KIR2DL1: variants seen among roughly 807,000 people sequenced by gnomAD.
KIR2DL1 encodes the protein killer cell immunoglobulin-like receptor 2DL1.
KIR2DL1 carries 38 observed loss-of-function variants against 33.9 expected under a neutral mutation model. The ratio of observed to expected loss-of-function variants is 1.12; its 90% CI spans 0.86 to 1.47. The LOEUF (loss-of-function observed/expected upper bound fraction) is 1.47, where lower values mean the gene tolerates loss of function less well. KIR2DL1 is among the 40% of genes most tolerant of loss of function. KIR2DL1 has a pLI of 0.00. For missense variants in KIR2DL1, 531 were observed against 433.9 expected, an observed-to-expected ratio of 1.22 and a Z score of -1.99; for synonymous variants, 179 against 165.9, an observed-to-expected ratio of 1.08 and a Z score of -0.61.
chr19:54,778,529 G>T, intron 4 of KIR2DL1, 83 bp from the exon 5 acceptor site: 1 of 1,334,824 alleles, frequency 7.5e-7, no homozygotes, highest in East Asian at 2.3e-5. Context: ...GAGAGTGTTG[G>T]CCATGAACCA....
chr19:54,775,410 C>T lies in KIR2DL1; in HGVS notation c.616C>T (p.Pro206Ser). ...YRCFGSFHDS[P>S]YEWSKSSDPL... is the part of the protein sequence containing the mutation. ...ATGCTTCGGCTCTTTCCATGACTCT[C>T]CATACGAGTGGTCAAAGTCAAGTGA... Residue 206 changes from proline (P) to serine (S), a missense_variant, in exon 4 of 8, where the codon CCA becomes TCA. Transcript: ENST00000336077. 1.3e-6 allele frequency: 2 copies of T among 1,584,300 alleles called. No homozygotes were observed. Among genetic ancestry groups the T allele is most frequent in the Non-Finnish European group, 1.7e-6 (2 of 1,156,444 alleles).
chr19:54,771,155 TACTC>T lies in KIR2DL1; in HGVS notation c.70+274_70+277del, dbSNP rs2075672463. Among the ~76,000 whole-genome samples the T allele has an allele frequency of 1.3e-5, 2 of 148,290 alleles. 1 individual carries two copies. On this transcript the variant is annotated intron_variant, in intron 2 of 7. Transcript: ENST00000336077. ...GCAGATCCTCTGAGGACAAAGGTGT[TACTC>T]ACACACTTCAGCGTTTCCATGACGG...
rs144426670 is a variant in KIR2DL1 at position 54,773,463 on chromosome 19, C to T, written c.201C>T (p.Asn67=). Residue 67 remains asparagine (N), a synonymous_variant, in exon 3 of 8, where the codon AAC becomes AAT. Transcript: ENST00000336077. ...HFLLHREGMF[N]DTLRLIGEHH... The stretch of plus-strand genomic sequence containing the variant: ...TTCTGCACAGAGAGGGGATGTTTAA[C>T]GACACTTTGCGCCTCATTGGAGAAC... 1.9e-5 allele frequency: 30 copies of T among 1,540,612 alleles called. 2 individuals carry two copies. The highest frequency in any genetic ancestry group is 1.7e-4 in the Middle Eastern group (1 of 5,854).
chr19:54,779,074 C>T (rs893301340), intron 5 of KIR2DL1, among the ~76,000 whole-genome samples: 6 of 147,178 alleles, frequency 4.1e-5, no homozygotes, highest in East Asian at 1.9e-4. Flanking sequence ...ATGAAGCAAC[C>T]CTGGCTGACT....
In KIR2DL1 at chr19:54,783,631, C is replaced by T. The variant is rs2077317950; in HGVS notation, c.871-6C>T. 3 of 1,614,016 alleles carry T rather than the reference C, an allele frequency of 1.9e-6. No homozygotes were observed. Among genetic ancestry groups the T allele is most frequent in the Non-Finnish European group, 2.5e-6 (3 of 1,179,970 alleles). On this transcript the variant is annotated splice_region_variant and splice_polypyrimidine_tract_variant and intron_variant, in intron 7 of 7. Coordinates refer to ENST00000336077, the MANE Select transcript of KIR2DL1 (RefSeq NM_014218.3). Reference sequence around the variant, plus strand: ...CCTCCCTCACTCAGCATTTCCCTCTCTCCAGGACTCTGATGAACAAGACCC... The same window carrying T: ...CCTCCCTCACTCAGCATTTCCCTCTTTCCAGGACTCTGATGAACAAGACCC...
intron 3 of KIR2DL1, 122 bp downstream of exon 3, chr19:54,773,754 T>C (rs2076034248): frequency 1.8e-6 from 2 of 1,107,824 alleles, no homozygotes; most frequent in Non-Finnish European, 2.6e-6. Context: ...GAGACTGACT[T>C]GGTGAGGTCT....
rs1454000041 is a variant in KIR2DL1 at position 54,780,300 on chromosome 19, C to T, written c.715+1638C>T. The stretch of plus-strand genomic sequence containing the variant: ...ATATTTGTGACATTAATGAAAAACA[C>T]GGAATGAACCCCTGAAAGATTGGCG... On this transcript the variant is annotated intron_variant, in intron 5 of 7. Transcript: ENST00000336077. 8.9e-6 allele frequency: 4 copies of T among 450,476 alleles called. 1 individual carries two copies. The highest frequency in any genetic ancestry group is 3.8e-5 in the Admixed American group (1 of 26,316). 27.9% of individuals were successfully genotyped at this position (450,476 alleles called of 1,614,324 possible).
chr19:54,776,804 C>T (rs1192433824), intron 4 of KIR2DL1, among the ~76,000 whole-genome samples: 2 of 146,690 alleles, frequency 1.4e-5, no homozygotes, highest in African/African-American at 2.5e-5. Flanking sequence ...CCATGCCTGG[C>T]TACTTTTTGG....
intron 4 of KIR2DL1, among the ~76,000 whole-genome samples, chr19:54,776,026 G>C (rs2076291095): frequency 6.8e-6 from 1 of 146,158 alleles, no homozygotes; most frequent in African/African-American, 2.5e-5. Context: ...TGAGTAGCTA[G>C]TGCTACAGGC....
At position 54,770,908 on chromosome 19, in the gene KIR2DL1, G is replaced by A. The variant is rs1293448165; in HGVS notation, c.70+24G>A. On this transcript the variant is annotated intron_variant, in intron 2 of 7. Transcript: ENST00000336077. ...GGGTGAGTCCTTCTCCCAACCTTCG[G>A]GTGTCATCTCCCCACATAAGAGGAT... is the stretch of plus-strand genomic sequence containing the variant. 214 of 1,580,106 alleles carry A rather than the reference G, an allele frequency of 1.4e-4. 23 individuals carry two copies. The Middle Eastern group carries it at 1.4e-3, about 10-fold the overall frequency.
At chr19:54,772,593 G>A (rs1370563613) in intron 2 of KIR2DL1, among the ~76,000 whole-genome samples, 4 of 146,072 alleles carry the variant, frequency 2.7e-5, no homozygotes, top group Admixed American at 1.4e-4. Flanking sequence ...TAATCCTAGC[G>A]ACTTGGGAGG....
rs1351481532 is a variant in KIR2DL1, at chr19:54,774,282, CA to C, written c.370+651del. Among the ~76,000 whole-genome samples the C allele has an allele frequency of 1.0e-4, 15 of 148,030 alleles. 2 individuals carry two copies. The highest frequency in any genetic ancestry group is 1.4e-4 in the Admixed American group (2 of 14,602). ...ACCAAAAAGCAAAGACATAAACACA[CA>C]GAGAATGAGCCAGAGGAAGGAGATT... On this transcript the variant is annotated intron_variant, in intron 3 of 7. Transcript: ENST00000336077.
intron 3 of KIR2DL1, 42 bp downstream of exon 3, chr19:54,773,674 A>C: frequency 6.5e-7 from 1 of 1,526,764 alleles, no homozygotes; most frequent in Non-Finnish European, 9.0e-7. Flanking sequence ...ATTGGGATGC[A>C]GAGTGAATGA....
At chr19:54,781,462 C>T (rs532387675) in intron 5 of KIR2DL1, among the ~76,000 whole-genome samples, 9 of 150,774 alleles carry the variant, frequency 6.0e-5, no homozygotes, top group Admixed American at 2.7e-4. Flanking sequence ...AATCCCCCAC[C>T]TCACCCCTAC....
rs1200834629 is a variant in KIR2DL1 at position 54,784,174 on chromosome 19, A to G, written c.*361A>G. 2.3e-5 allele frequency: 10 copies of G among 442,484 alleles called. No individual in the cohort carries two copies. Among genetic ancestry groups the G allele is most frequent in the African/African-American group, 2.0e-4 (10 of 50,656 alleles). The allele number at this position is 442,484 out of a possible 1,614,324, so 27.4% of individuals were successfully genotyped here. A position where few individuals can be genotyped will look rare whatever the true frequency, so the allele number is the denominator to read the frequency against. Reference sequence around the variant, plus strand: ...ACAAGAGGCTCCCTCTTAACGCAGCACTTAGACACGTGTTGTTCCACCTTC... The same window carrying G: ...ACAAGAGGCTCCCTCTTAACGCAGCGCTTAGACACGTGTTGTTCCACCTTC... On this transcript the variant is annotated 3_prime_UTR_variant, in exon 8 of 8. Transcript: ENST00000336077.
chr19:54,778,336 G>T (rs1432800604), intron 4 of KIR2DL1, among the ~76,000 whole-genome samples: 6 of 149,352 alleles, frequency 4.0e-5, no homozygotes, highest in African/African-American at 1.2e-4. Context: ...GTTGTTCTAT[G>T]TGCCTTTCTT....
chr19:54,778,761 A>G, intron 5 of KIR2DL1, 99 bp downstream of exon 5: 3 of 1,284,984 alleles, frequency 2.3e-6, no homozygotes, highest in South Asian at 2.6e-5. Context: ...CTGACATTGT[A>G]CACTTGTCTT....
At chr19:54,777,528 T>C (rs1024416612) in intron 4 of KIR2DL1, among the ~76,000 whole-genome samples, 4 of 150,178 alleles carry the variant, frequency 2.7e-5, no homozygotes, top group Non-Finnish European at 4.5e-5. Context: ...TTAAATCATT[T>C]GTTTTATTGA....
chr19:54,775,410 C>A lies in KIR2DL1; in HGVS notation c.616C>A (p.Pro206Thr), dbSNP rs1289130734. Residue 206 changes from proline (P) to threonine (T), a missense_variant, in exon 4 of 8, where the codon CCA (proline) becomes ACA (threonine). Physicochemically the swap from Pro to Thr is conservative, Grantham distance 38. Coordinates refer to ENST00000336077, the MANE Select transcript of KIR2DL1 (RefSeq NM_014218.3). ...ATGCTTCGGCTCTTTCCATGACTCT[C>A]CATACGAGTGGTCAAAGTCAAGTGA... ...YRCFGSFHDS[P>T]YEWSKSSDPL... is the part of the protein sequence containing the mutation. The A allele has an allele frequency of 1.9e-6, 3 of 1,584,298 alleles. No homozygotes were observed. Among genetic ancestry groups the A allele is most frequent in the Middle Eastern group, 1.7e-4 (1 of 5,990 alleles).
Sources: allele counts gnomAD v4.1 joint callset (sites outside exome capture counted in the v4.1 genomes callset), GRCh38; gene constraint gnomAD v4.1.1; transcripts MANE v1.5; gene names NCBI Gene and HGNC (gene_info 2026-07-23, HGNC 2026-07-21).